RAPGEF6: variants seen among roughly 807,000 people sequenced by gnomAD.
RAPGEF6 encodes the protein PDZ domain containing guanine nucleotide exchange factor (GEF) 2.
In RAPGEF6, 56 loss-of-function variants were observed where a neutral mutation model predicts 171.4. That is an observed-to-expected ratio of 0.33 (90% CI 0.26 to 0.41). RAPGEF6 has a LOEUF of 0.41. Among genes scored for constraint, RAPGEF6 ranks in the 10% least tolerant of loss-of-function variants. The pLI is 1.00. For missense variants in RAPGEF6, 1,674 were observed against 1,921.4 expected (o/e 0.87, Z 2.41); for synonymous variants, 692 against 650.1 (o/e 1.06, Z -0.98).
At chr5:131,531,291 C>T (rs939224714) in intron 6 of RAPGEF6, among the ~76,000 whole-genome samples, 3 of 152,102 alleles carry the variant, frequency 2.0e-5, no homozygotes, top group Admixed American at 2.0e-4. Context: ...ATAAATGTTA[C>T]AATTTAAATG....
chr5:131,433,796 T>A, intron 24 of RAPGEF6, 138 bp from the exon 25 acceptor site: 2 of 673,538 alleles, frequency 3.0e-6, no homozygotes, highest in Non-Finnish European at 4.9e-6. Context: ...TCCATCTATG[T>A]AGATATAATG....
rs778862885 is a variant in RAPGEF6 at position 131,521,405 on chromosome 5, T to G, written c.612A>C (p.Leu204Phe). ...SIASDSGSSS[L>F]SDIYQATESE... ...AAGGTATTACCTGATAGATATCAGA[T>G]AAACTGCTGCTTCCAGAGTCACTGG... The change falls in exon 7 of 28, where the codon TTA (leucine) becomes TTC (phenylalanine). Residue 204 changes from leucine to phenylalanine, a missense_variant. This residue lies in a region of RAPGEF6 where 1,116 missense variants were observed against 1,321.5 expected (regional missense o/e 0.84). Transcript: ENST00000509018. The G allele has an allele frequency of 6.2e-7, 1 of 1,608,838 alleles. No homozygotes were observed.
In RAPGEF6 at chr5:131,470,314, T is replaced by C. The variant is rs75393460; in HGVS notation, c.2239+2273A>G. 1.4e-3 allele frequency among the ~76,000 whole-genome samples: 212 copies of C among 152,366 alleles called. 2 individuals are homozygous for C. In the East Asian group the frequency reaches 0.034, roughly 24 times the overall value. Reference sequence around the variant, plus strand: ...AAACATGTTCTCAAGGAGAGAATTATGTAATCAACTTGAAATCAAGTTAAG... The same window carrying C: ...AAACATGTTCTCAAGGAGAGAATTACGTAATCAACTTGAAATCAAGTTAAG... On this transcript the variant is annotated intron_variant, in intron 17 of 27. Transcript: ENST00000509018.
intron 1 of RAPGEF6, among the ~76,000 whole-genome samples, chr5:131,611,898 G>A (rs986636255): frequency 3.3e-5 from 5 of 151,670 alleles, no homozygotes; most frequent in African/African-American, 1.2e-4. Flanking sequence ...ATTTTTTCAT[G>A]CCTTATTATG....
chr5:131,524,608 T>C (rs867141178), intron 6 of RAPGEF6, among the ~76,000 whole-genome samples: 3 of 40,998 alleles, frequency 7.3e-5, no homozygotes, highest in Non-Finnish European at 1.6e-4. Context: ...GAGAGAGAGA[T>C]TGAGAGAGAG....
chr5:131,449,362 C>T (rs1424734352), intron 21 of RAPGEF6, among the ~76,000 whole-genome samples: 2 of 152,142 alleles, frequency 1.3e-5, no homozygotes, highest in African/African-American at 4.8e-5. Context: ...TCAGTCAATG[C>T]TACAAGTAAG....
At chr5:131,528,090 A>AAAT (rs1759029691) in intron 6 of RAPGEF6, among the ~76,000 whole-genome samples, 3 of 129,016 alleles carry the variant, frequency 2.3e-5, no homozygotes, top group African/African-American at 6.5e-5. Flanking sequence ...TATTATATGT[A>AAAT]ATATAAATTT....
chr5:131,439,963 A>G (rs1395692046), intron 23 of RAPGEF6: 1 of 586,946 alleles, frequency 1.7e-6, no homozygotes, highest in African/African-American at 1.9e-5. Flanking sequence ...ACTTTGTGGT[A>G]TAAGGGAAAT....
chr5:131,474,786 A>T (rs1013995385), intron 16 of RAPGEF6, among the ~76,000 whole-genome samples: 54 of 152,294 alleles, frequency 3.5e-4, no homozygotes, highest in African/African-American at 1.0e-3. Context: ...AAGATTTTTT[A>T]AAAAAACAGT....
At chr5:131,464,416 C>A in intron 17 of RAPGEF6, 135 bp from the exon 18 acceptor site, 2 of 679,302 alleles carry the variant, frequency 2.9e-6, no homozygotes, top group South Asian at 3.5e-5. Context: ...TAACAGAAGT[C>A]ACTGTTGCAT....
At chr5:131,434,295 T>C (rs1751889265) in intron 24 of RAPGEF6, among the ~76,000 whole-genome samples, 1 of 152,242 alleles carries the variant, frequency 6.6e-6, no homozygotes, top group Non-Finnish European at 1.5e-5. Flanking sequence ...CAGGCTATAG[T>C]GCAATGGCAC....
intron 1 of RAPGEF6, among the ~76,000 whole-genome samples, chr5:131,607,104 C>T (rs1433987829): frequency 2.6e-5 from 4 of 152,144 alleles, no homozygotes; most frequent in Admixed American, 1.3e-4. Flanking sequence ...AGTTAGAATA[C>T]CCTAAATAAT....
rs1751532367 is a variant in RAPGEF6, at chr5:131,428,955, T to G, written c.4727A>C (p.Gln1576Pro). 6.2e-7 allele frequency: 1 copy of G among 1,614,106 alleles called. No homozygotes were observed. Among genetic ancestry groups the G allele is most frequent in the African/African-American group, 1.3e-5 (1 of 74,928 alleles). The change falls in exon 27 of 28, where the codon CAG becomes CCG. Residue 1576 changes from glutamine to proline, a missense_variant. Physicochemically the swap from Gln to Pro is moderately conservative, Grantham distance 76. Transcript: ENST00000509018. ...IVTQPQRHNL[Q>P]PFHPKLGDVT... ...ATCTCCTAGTTTAGGATGGAATGGC[T>G]GCAAATTATGCCTCTGAGGCTGAGT...
intron 1 of RAPGEF6, among the ~76,000 whole-genome samples, chr5:131,611,677 A>G (rs115786603): frequency 0.012 from 1,890 of 152,316 alleles, 33 homozygotes; most frequent in African/African-American, 0.043. Flanking sequence ...TGTCTCAAAA[A>G]GAGTCATTTT....
chr5:131,585,325 C>T (rs1213134852), intron 4 of RAPGEF6, among the ~76,000 whole-genome samples: 1 of 149,538 alleles, frequency 6.7e-6, no homozygotes, highest in African/African-American at 2.5e-5. Flanking sequence ...TACATACATA[C>T]ATACATACAT....
chr5:131,524,698 C>T (rs1304210250), intron 6 of RAPGEF6, among the ~76,000 whole-genome samples: 2 of 152,022 alleles, frequency 1.3e-5, no homozygotes, highest in African/African-American at 4.8e-5. Context: ...TCACTGCAAC[C>T]TCTGCCTCCT....
intron 23 of RAPGEF6, 97 bp downstream of exon 23, chr5:131,442,252 A>G (rs925393626): frequency 3.3e-6 from 4 of 1,229,746 alleles, no homozygotes; most frequent in Non-Finnish European, 4.5e-6. Flanking sequence ...TACACAACCT[A>G]CAACAGCTTA....
intron 15 of RAPGEF6, among the ~76,000 whole-genome samples, chr5:131,486,644 G>GT (rs774138981): frequency 2.0e-5 from 3 of 149,864 alleles, no homozygotes; most frequent in Non-Finnish European, 4.5e-5. Flanking sequence ...TCAAACAAAT[G>GT]TTTTTGTCTG....
At chr5:131,440,887 C>T (rs531729960) in intron 23 of RAPGEF6, among the ~76,000 whole-genome samples, 17 of 152,172 alleles carry the variant, frequency 1.1e-4, no homozygotes, top group African/African-American at 3.9e-4. Context: ...TTCACCAATT[C>T]TGCACCCAAT....
Sources: gnomAD v4.1 joint callset for allele counts (sites outside exome capture counted in the v4.1 genomes callset) on GRCh38, gnomAD v4.1.1 for gene constraint, gnomAD v4.1.1 regional missense constraint, MANE v1.5 for transcripts, NCBI Gene and HGNC (gene_info 2026-07-23, HGNC 2026-07-21) for gene names.